NXPE4: variants seen among roughly 807,000 people sequenced by gnomAD.
NXPE4 encodes the protein NXPE family member 4.
In NXPE4, 42 loss-of-function variants were observed where a neutral mutation model predicts 33.3. The observed-to-expected ratio is 1.26, with a 90% CI of 0.98 to 1.63. NXPE4 has a LOEUF of 1.63. Among genes scored for constraint, NXPE4 ranks in the 40% most tolerant of loss-of-function variants. The pLI is 0.00. For missense variants in NXPE4, 709 were observed against 647.6 expected (o/e 1.09, Z -1.03); for synonymous variants, 253 against 234.9 (o/e 1.08, Z -0.71).
the NXPE4 span, among the ~76,000 whole-genome samples, chr11:114,640,051 A>T: frequency 8.4e-6 from 1 of 118,680 alleles, no homozygotes; most frequent in Non-Finnish European, 1.6e-5. Context: ...ATTTTATAAT[A>T]TATAATTTAT....
upstream of NXPE4, among the ~76,000 whole-genome samples, chr11:114,599,938 G>A (rs1421499405): frequency 6.6e-6 from 1 of 151,992 alleles, no homozygotes; most frequent in Non-Finnish European, 1.5e-5. Flanking sequence ...AAAAATCTAT[G>A]AGTTCATATC....
the NXPE4 span, among the ~76,000 whole-genome samples, chr11:114,642,587 C>T: frequency 6.6e-6 from 1 of 152,068 alleles, no homozygotes; most frequent in African/African-American, 2.4e-5. Context: ...CTGCAAAGGA[C>T]ACGAACTCAT....
chr11:114,595,314 A>G (rs1949554945), intron 1 of NXPE4, among the ~76,000 whole-genome samples: 1 of 152,212 alleles, frequency 6.6e-6, no homozygotes, highest in South Asian at 2.1e-4. Context: ...TTACTTAAAA[A>G]AATTTCAGGC....
At chr11:114,665,735 A>G in the NXPE4 span, among the ~76,000 whole-genome samples, 9 of 152,290 alleles carry the variant, frequency 5.9e-5, no homozygotes, top group Admixed American at 5.9e-4. Context: ...GATGAAGTCA[A>G]GGTCAGAATC....
the NXPE4 span, among the ~76,000 whole-genome samples, chr11:114,605,485 C>T: frequency 2.6e-5 from 4 of 151,776 alleles, no homozygotes; most frequent in East Asian, 1.9e-4. Flanking sequence ...CACAGTTACC[C>T]GGTGGATAAT....
chr11:114,580,362 G>C, intron 4 of NXPE4, 24 bp from the exon 5 acceptor site: 1 of 1,602,246 alleles, frequency 6.2e-7, no homozygotes, highest in Admixed American at 1.7e-5. Flanking sequence ...AATGAGATAG[G>C]ATCTTCCAAA....
the NXPE4 span, among the ~76,000 whole-genome samples, chr11:114,620,352 T>C: frequency 6.6e-6 from 1 of 151,112 alleles, no homozygotes; most frequent in African/African-American, 2.4e-5. Context: ...TGGTAACCAC[T>C]GTTACCGGTG....
At chr11:114,636,018 T>C in the NXPE4 span, among the ~76,000 whole-genome samples, 3 of 152,050 alleles carry the variant, frequency 2.0e-5, no homozygotes, top group Non-Finnish European at 4.4e-5. Flanking sequence ...TTCTATTGAT[T>C]GGAATAGTTT....
the NXPE4 span, among the ~76,000 whole-genome samples, chr11:114,649,696 A>G: frequency 6.6e-6 from 1 of 152,206 alleles, no homozygotes; most frequent in Admixed American, 6.5e-5. Context: ...AACAGGTAGT[A>G]GGAGGAAATG....
the NXPE4 span, among the ~76,000 whole-genome samples, chr11:114,645,319 A>G: frequency 6.6e-6 from 1 of 152,032 alleles, no homozygotes; most frequent in Non-Finnish European, 1.5e-5. Flanking sequence ...ATAAGTAAAA[A>G]TAAAAAAACC....
At chr11:114,661,339 T>A in the NXPE4 span, among the ~76,000 whole-genome samples, 1 of 152,202 alleles carries the variant, frequency 6.6e-6, no homozygotes, top group African/African-American at 2.4e-5. Flanking sequence ...TCTGCAAAGG[T>A]TCTTGAGTCT....
chr11:114,665,508 AGG>A, the NXPE4 span, among the ~76,000 whole-genome samples: 1 of 152,198 alleles, frequency 6.6e-6, no homozygotes, highest in South Asian at 2.1e-4. Context: ...GAAAAGCCTG[AGG>A]TTCTCAAAGC....
At chr11:114,586,551 C>A (rs970921579) in intron 2 of NXPE4, among the ~76,000 whole-genome samples, 1 of 152,150 alleles carries the variant, frequency 6.6e-6, no homozygotes, top group Non-Finnish European at 1.5e-5. Context: ...TAGCTAATCC[C>A]CCCATGTCCT....
At chr11:114,677,172 CAGGA>C in the NXPE4 span, among the ~76,000 whole-genome samples, 2 of 151,990 alleles carry the variant, frequency 1.3e-5, no homozygotes, top group Non-Finnish European at 2.9e-5. Flanking sequence ...TTACTTTACA[CAGGA>C]TGAATAAGTT....
intron 2 of NXPE4, chr11:114,583,455 A>G (rs1949204738): frequency 4.5e-6 from 3 of 666,046 alleles, no homozygotes; most frequent in Non-Finnish European, 8.5e-6. Context: ...ACCAAGTACC[A>G]CAGTGATGAC....
the NXPE4 span, among the ~76,000 whole-genome samples, chr11:114,663,678 T>TTATCTACC: frequency 6.9e-6 from 1 of 145,940 alleles, no homozygotes; most frequent in Non-Finnish European, 1.5e-5. Flanking sequence ...ATCTATCTAT[T>TTATCTACC]TATCTATCTA....
Position 114,583,074 on chromosome 11 carries a change from A to C in NXPE4, c.97-53T>G, listed in dbSNP as rs1949194561. 4 of 1,535,216 alleles carry C rather than the reference A, an allele frequency of 2.6e-6. No homozygotes were observed. In the Admixed American group the frequency reaches 5.9e-5, roughly 23 times the overall value. On this transcript the variant is annotated intron_variant, in intron 2 of 5. Coordinates refer to ENST00000375478, the MANE Select transcript of NXPE4 (RefSeq NM_001077639.2). ...ATGGATAAATTTAGAGCATATCTGA[A>C]CTGAAATGACAGGAAGTGTAACATG... is the stretch of plus-strand genomic sequence containing the variant.
chr11:114,622,120 G>A, the NXPE4 span, among the ~76,000 whole-genome samples: 15 of 151,644 alleles, frequency 9.9e-5, no homozygotes, highest in Admixed American at 2.6e-4. Context: ...ACTGTTACTC[G>A]GTGGATAATA....
At chr11:114,632,124 A>T in the NXPE4 span, among the ~76,000 whole-genome samples, 2 of 144,376 alleles carry the variant, frequency 1.4e-5, no homozygotes, top group Non-Finnish European at 3.0e-5. Flanking sequence ...TATATATTAT[A>T]ATAAAATATA....
Sources: gnomAD v4.1 joint callset for allele counts (sites outside exome capture counted in the v4.1 genomes callset) on GRCh38, gnomAD v4.1.1 for gene constraint, MANE v1.5 for transcripts, NCBI Gene and HGNC (gene_info 2026-07-23, HGNC 2026-07-21) for gene names.